Variants in LRRK2 observed in about 807,000 individuals in gnomAD.
The protein encoded by LRRK2 is leucine-rich repeat serine/threonine-protein kinase 2.
Under a neutral mutation model 302.6 loss-of-function variants are expected in LRRK2, and 203 were observed. That is an observed-to-expected ratio of 0.67 (90% CI 0.60 to 0.75). The LOEUF (loss-of-function observed/expected upper bound fraction) is 0.75. LRRK2 is among the 30% of genes least tolerant of loss of function. The probability of loss-of-function intolerance (pLI) is 0.00; values close to 1 mark genes in which losing one functional copy is unlikely to be tolerated. For synonymous variants in LRRK2, 1,066 were observed against 1,031.9 expected (o/e 1.03, Z -0.63); for missense variants, 2,830 against 2,951.0 (o/e 0.96, Z 0.95).
chr12:40,285,361 A>G (rs1174732580), intron 19 of LRRK2, among the ~76,000 whole-genome samples: 1 of 152,130 alleles, frequency 6.6e-6, no homozygotes, highest in Non-Finnish European at 1.5e-5. Context: ...TACCATTGAT[A>G]CTAGTGTTTT....
chr12:40,302,067 A>T (rs1464544661), intron 25 of LRRK2, among the ~76,000 whole-genome samples: 3 of 152,094 alleles, frequency 2.0e-5, no homozygotes, highest in African/African-American at 7.2e-5. Flanking sequence ...AATCCCAGCT[A>T]CTCAGGAGGC....
chr12:40,298,641 G>A, intron 24 of LRRK2, 148 bp downstream of exon 24: 2 of 991,126 alleles, frequency 2.0e-6, no homozygotes. Flanking sequence ...GCGTGGTGGT[G>A]CGCACCTTAT....
intron 50 of LRRK2, 128 bp from the exon 51 acceptor site, chr12:40,367,516 T>C: frequency 1.4e-6 from 1 of 733,652 alleles, no homozygotes; most frequent in Non-Finnish European, 2.1e-6. Flanking sequence ...ATTTAGTACA[T>C]TAGTTATAGC....
chr12:40,242,572 T>G (rs976841069), intron 6 of LRRK2, among the ~76,000 whole-genome samples: 7 of 151,938 alleles, frequency 4.6e-5, no homozygotes, highest in Non-Finnish European at 8.8e-5. Context: ...TTGATTTTGC[T>G]GCCTTGTACA....
In LRRK2 at chr12:40,336,112, C is replaced by T. The variant is rs555200795; in HGVS notation, c.5948+955C>T. Among the ~76,000 whole-genome samples, 175 of 152,224 alleles carry T rather than the reference C, an allele frequency of 1.1e-3. 1 individual carries two copies. Among genetic ancestry groups the T allele is most frequent in the African/African-American group, 4.0e-3 (168 of 41,550 alleles). On this transcript the variant is annotated intron_variant, in intron 40 of 50. Coordinates refer to ENST00000298910, the MANE Select transcript of LRRK2 (RefSeq NM_198578.4). Reference sequence around the variant, plus strand: ...CATGAAAGTTGGATCAGGACTTGTTCCTGTTATTACCCCTCCCCTGCCTTA... The same window carrying T: ...CATGAAAGTTGGATCAGGACTTGTTTCTGTTATTACCCCTCCCCTGCCTTA...
intron 2 of LRRK2, among the ~76,000 whole-genome samples, chr12:40,229,955 C>CTTTTTT (rs71078229): frequency 2.2e-5 from 2 of 92,926 alleles, no homozygotes; most frequent in Admixed American, 1.3e-4. Flanking sequence ...TCCTATGTGA[C>CTTTTTT]TTTTTTTTTT....
intron 5 of LRRK2, among the ~76,000 whole-genome samples, chr12:40,239,217 C>A (rs147938536): frequency 1.3e-5 from 2 of 152,104 alleles, no homozygotes; most frequent in East Asian, 1.9e-4. Flanking sequence ...TGTATTGCAG[C>A]GAGAGTGACT....
Position 40,283,952 on chromosome 12 carries a change from A to AG in LRRK2, c.2320dup (p.Ala774GlyfsTer10). 1 of 1,613,932 alleles carries AG rather than the reference A, an allele frequency of 6.2e-7. No homozygotes were observed. The highest frequency in any genetic ancestry group is 8.5e-7 in the Non-Finnish European group (1 of 1,179,864). ...GATCTCGTGAACAAGATGTACGAAA[A>AG]GCGTTGACGATAAGCATTGGGAAAG... On this transcript the variant is annotated frameshift_variant, in exon 19 of 51. Coordinates refer to ENST00000298910, the MANE Select transcript of LRRK2 (RefSeq NM_198578.4). LOFTEE classifies it high-confidence loss of function.
intron 14 of LRRK2, among the ~76,000 whole-genome samples, chr12:40,267,925 C>T (rs1234340429): frequency 6.6e-6 from 1 of 152,116 alleles, no homozygotes. Flanking sequence ...TTTAATACAT[C>T]TAAACTTGGA....
intron 38 of LRRK2, among the ~76,000 whole-genome samples, chr12:40,324,545 TTTG>T (rs1317950551): frequency 6.6e-6 from 1 of 152,162 alleles, no homozygotes; most frequent in Non-Finnish European, 1.5e-5. Context: ...TTGTTTAGTT[TTTG>T]TTGTTGTTGT....
chr12:40,266,567 G>T lies in LRRK2; in HGVS notation c.1656+2666G>T, dbSNP rs1454926728. Among the ~76,000 whole-genome samples the T allele has an allele frequency of 3.9e-5, 6 of 152,256 alleles. No individual in the cohort carries two copies. The East Asian group carries it at 9.6e-4, about 24-fold the overall frequency. On this transcript the variant is annotated intron_variant, in intron 14 of 50. Coordinates refer to ENST00000298910, the MANE Select transcript of LRRK2 (RefSeq NM_198578.4). ...ACACTGTTGGTGGGACTGTAAACTA[G>T]TTCAACCATTGTGGAAGACAGTGTG...
rs906787354 is a variant in LRRK2, at chr12:40,348,274, G to A, written c.6281-135G>A. The A allele has an allele frequency of 6.3e-6, 4 of 636,092 alleles. No homozygotes were observed. The African/African-American group carries it at 7.4e-5, about 12-fold the overall frequency. 39.4% of individuals were successfully genotyped at this position (636,092 alleles called of 1,614,324 possible). ...AAAATTAGCTTTAATTTTGTGACAA[G>A]TAAATTTACATAAATATAGGATTAT... On this transcript the variant is annotated intron_variant, in intron 42 of 50. Transcript: ENST00000298910.
chr12:40,232,146 T>C, intron 2 of LRRK2, 128 bp from the exon 3 acceptor site: 1 of 737,642 alleles, frequency 1.4e-6, no homozygotes, highest in South Asian at 1.5e-5. Flanking sequence ...TATCATTTTG[T>C]TGTATAACCA....
rs1159182087 is a variant in LRRK2, at chr12:40,354,319, A to G, written c.6597A>G (p.Ile2199Met). 6.2e-7 allele frequency: 1 copy of G among 1,614,074 alleles called. No individual in the cohort carries two copies. Among genetic ancestry groups the G allele is most frequent in the Admixed American group, 1.7e-5 (1 of 60,024 alleles). The change falls in exon 45 of 51, where the codon ATA becomes ATG. Residue 2199 changes from isoleucine to methionine, a missense_variant. Around this residue, in one of 3 missense-constraint regions of LRRK2, gnomAD observed 456 missense variants for 456.3 expected, o/e 1.00. Transcript: ENST00000298910. ...YTSEEVADSRILCLALVHLPV... is the reference protein window; with the variant it reads ...YTSEEVADSRMLCLALVHLPV... ...AACAGGAAGTTGCTGATAGTAGAAT[A>G]TTGTGCTTAGCCTTGGTGCATCTTC... is the stretch of plus-strand genomic sequence containing the variant.
chr12:40,318,072 C>A (rs1470938054), intron 33 of LRRK2, among the ~76,000 whole-genome samples: 1 of 152,030 alleles, frequency 6.6e-6, no homozygotes, highest in Non-Finnish European at 1.5e-5. Flanking sequence ...GCACGGTGAT[C>A]ACAGAATAAT....
intron 33 of LRRK2, among the ~76,000 whole-genome samples, chr12:40,315,823 A>G (rs893824914): frequency 1.3e-5 from 2 of 151,778 alleles, no homozygotes; most frequent in African/African-American, 2.4e-5. Context: ...TCTCCAAATG[A>G]TAATCCATTA....
At chr12:40,352,060 C>G (rs916906283) in intron 44 of LRRK2, among the ~76,000 whole-genome samples, 1 of 152,210 alleles carries the variant, frequency 6.6e-6, no homozygotes, top group African/African-American at 2.4e-5. Flanking sequence ...CAGCCTCAGT[C>G]TCTGCCCACA....
chr12:40,247,212 CA>C (rs1854395617), intron 7 of LRRK2, among the ~76,000 whole-genome samples: 1 of 151,954 alleles, frequency 6.6e-6, no homozygotes, highest in South Asian at 2.1e-4. Context: ...TTGATTTTAG[CA>C]TTAGGAAATT....
At chr12:40,344,499 CTGTGTGGCCT>C (rs1175958285) in intron 41 of LRRK2, among the ~76,000 whole-genome samples, 1 of 152,116 alleles carries the variant, frequency 6.6e-6, no homozygotes, top group East Asian at 1.9e-4. Context: ...TGTTCATTAT[CTGTGTGGCCT>C]TAGGAAAATA....
Sources: gnomAD v4.1 joint callset for allele counts (sites outside exome capture counted in the v4.1 genomes callset) on GRCh38, gnomAD v4.1.1 for gene constraint, gnomAD v4.1.1 regional missense constraint, MANE v1.5 for transcripts, NCBI Gene and HGNC (gene_info 2026-07-23, HGNC 2026-07-21) for gene names.